The following TLR6 variants were observed in gnomAD, a reference collection of about 807,000 sequenced individuals.
TLR6 encodes toll like receptor 6.
In TLR6, 9 loss-of-function variants were observed where a neutral mutation model predicts 16.1. That is an observed-to-expected ratio of 0.56 (90% confidence interval 0.34 to 0.98). The LOEUF (loss-of-function observed/expected upper bound fraction) is 0.98. Among genes scored for constraint, TLR6 ranks in the 50% least tolerant of loss-of-function variants. The probability of loss-of-function intolerance (pLI) is 0.02; values close to 1 mark genes in which losing one functional copy is unlikely to be tolerated. For synonymous variants in TLR6, 340 were observed against 338.6 expected, an observed-to-expected ratio of 1.00 and a Z score of -0.04; for missense variants, 786 against 921.0, an observed-to-expected ratio of 0.85 and a Z score of 1.90.
chr4:38,823,662 T>C (rs1356182830), downstream of TLR6: 1 of 152,244 alleles, frequency 6.6e-6, no homozygotes, highest in Non-Finnish European at 1.5e-5. Context: ...GTATGGATTT[T>C]TGTTTTGTTT....
At chr4:38,826,856 G>A (rs1727563234) in exon 2 of TLR6, 3 of 407,822 alleles carry the variant, frequency 7.4e-6, no homozygotes, top group Non-Finnish European at 1.3e-5. Context: ...AAAAGAGACT[G>A]TTTCAATTTG....
At chr4:38,835,337 A>G (rs878922451) in intron 1 of TLR6, among the ~76,000 whole-genome samples, 14 of 152,218 alleles carry the variant, frequency 9.2e-5, no homozygotes, top group African/African-American at 2.9e-4. Flanking sequence ...ATCAGATAAA[A>G]CAGACTTTAA....
chr4:38,828,737 G>T, exon 2 of TLR6: 1 of 1,613,866 alleles, frequency 6.2e-7, no homozygotes, highest in Non-Finnish European at 8.5e-7. Context: ...TGAACCTCTG[G>T]TGAGTTCTGA....
intron 1 of TLR6, among the ~76,000 whole-genome samples, chr4:38,851,197 T>C (rs1449022660): frequency 6.6e-6 from 1 of 152,146 alleles, no homozygotes; most frequent in Non-Finnish European, 1.5e-5. Context: ...ATGCTAAAAA[T>C]TCTCAATAAA....
At chr4:38,855,321 A>G (rs1712938774) in intron 1 of TLR6, among the ~76,000 whole-genome samples, 1 of 152,138 alleles carries the variant, frequency 6.6e-6, no homozygotes, top group Non-Finnish European at 1.5e-5. Context: ...GATGAAATAT[A>G]CCAAATACTA....
At chr4:38,851,957 T>A (rs1374081125) in intron 1 of TLR6, among the ~76,000 whole-genome samples, 4 of 152,308 alleles carry the variant, frequency 2.6e-5, no homozygotes, top group Middle Eastern at 3.4e-3. Flanking sequence ...GCTGGAGGCA[T>A]CATGCTACCT....
chr4:38,832,879 C>T (rs1711690085), intron 1 of TLR6, among the ~76,000 whole-genome samples: 1 of 152,196 alleles, frequency 6.6e-6, no homozygotes, highest in Non-Finnish European at 1.5e-5. Context: ...TCAGAGTTAC[C>T]TGCCCAGGGC....
Position 38,838,555 on chromosome 4 carries a change from G to T in TLR6, c.-64-9018C>A, listed in dbSNP as rs1348142778. 2.6e-5 allele frequency among the ~76,000 whole-genome samples: 4 copies of T among 152,256 alleles called. 1 individual carries two copies. Among genetic ancestry groups the T allele is most frequent in the Middle Eastern group, 3.4e-3 (1 of 294 alleles). ...GAGCTAAAATACGCATCTCAGGAGGGTAGAGAGTAGAACAATAGTTACCAG... is the reference window on the plus strand; with the variant it reads ...GAGCTAAAATACGCATCTCAGGAGGTTAGAGAGTAGAACAATAGTTACCAG... On this transcript the variant is annotated intron_variant, in intron 1 of 1. Coordinates refer to ENST00000436693, the Ensembl canonical transcript of TLR6.
upstream of TLR6, among the ~76,000 whole-genome samples, chr4:38,858,778 A>G (rs12641219): frequency 5.3e-4 from 31 of 58,416 alleles, no homozygotes; most frequent in Middle Eastern, 0.015. Context: ...AGAGAGAGGG[A>G]GAGAGAGAGA....
chr4:38,862,752 C>T, the TLR6 span, among the ~76,000 whole-genome samples: 9 of 151,710 alleles, frequency 5.9e-5, no homozygotes, highest in Admixed American at 2.6e-4. Context: ...CGTGCCACCA[C>T]GCCCAGTTAA....
chr4:38,833,228 A>G (rs1351196944), intron 1 of TLR6, among the ~76,000 whole-genome samples: 1 of 152,100 alleles, frequency 6.6e-6, no homozygotes, highest in Non-Finnish European at 1.5e-5. Context: ...CAAGCATCCA[A>G]CTAAATCTCC....
chr4:38,844,207 C>T (rs1712413464), intron 1 of TLR6, among the ~76,000 whole-genome samples: 2 of 152,154 alleles, frequency 1.3e-5, no homozygotes, highest in Admixed American at 1.3e-4. Flanking sequence ...ACAATACTTA[C>T]CGATATGGAC....
chr4:38,831,028 GAAA>G (rs58030836), intron 1 of TLR6, among the ~76,000 whole-genome samples: 23,107 of 144,240 alleles, frequency 0.16, 3,530 homozygotes, highest in African/African-American at 0.38. Context: ...TCATTCACAG[GAAA>G]AAAAAAAAAA....
chr4:38,842,632 G>T (rs1334228968), intron 1 of TLR6, among the ~76,000 whole-genome samples: 1 of 151,612 alleles, frequency 6.6e-6, no homozygotes, highest in Non-Finnish European at 1.5e-5. Context: ...GCCCCCATGG[G>T]GGGCAAAGCC....
At chr4:38,851,454 T>C (rs895756298) in intron 1 of TLR6, among the ~76,000 whole-genome samples, 21 of 152,340 alleles carry the variant, frequency 1.4e-4, no homozygotes, top group Middle Eastern at 3.4e-3. Flanking sequence ...ATTGTCCCTC[T>C]TTGCAGATGA....
At chr4:38,845,547 C>A (rs963054971) in intron 1 of TLR6, among the ~76,000 whole-genome samples, 2 of 152,178 alleles carry the variant, frequency 1.3e-5, no homozygotes, top group Admixed American at 6.5e-5. Context: ...CTTGGCCCAT[C>A]CTTGCTGGCC....
rs186410637 is a variant in TLR6, at chr4:38,839,295, C to T, written c.-64-9758G>A. Among the ~76,000 whole-genome samples the T allele has an allele frequency of 6.6e-3, 949 of 144,854 alleles. 14 individuals are homozygous for T. Among genetic ancestry groups the T allele is most frequent in the African/African-American group, 0.025 (879 of 35,576 alleles). On this transcript the variant is annotated intron_variant, in intron 1 of 1. Coordinates refer to ENST00000436693, the Ensembl canonical transcript of TLR6. ...AAAAAACTGCTCTAAAAAATAAAGT[C>T]TATTGATTTTTTTTTAAAAAAAATT...
chr4:38,827,284 G>A (rs1477667286), exon 2 of TLR6: 2 of 1,614,152 alleles, frequency 1.2e-6, no homozygotes, highest in East Asian at 4.5e-5. Context: ...TGAGGATTAA[G>A]TTATTAGATC....
the TLR6 span, among the ~76,000 whole-genome samples, chr4:38,863,668 G>T: frequency 6.6e-6 from 1 of 152,048 alleles, no homozygotes; most frequent in Non-Finnish European, 1.5e-5. Context: ...GGCAAATTTT[G>T]TTGGATTTTT....
Sources: allele counts gnomAD v4.1 joint callset (sites outside exome capture counted in the v4.1 genomes callset), GRCh38; gene constraint gnomAD v4.1.1; transcripts MANE v1.5; gene names NCBI Gene and HGNC (gene_info 2026-07-23, HGNC 2026-07-21).